The following TMEM68 variants were observed in gnomAD, a reference collection of about 807,000 sequenced individuals.
TMEM68 encodes the protein transmembrane protein 68.
A neutral mutation model predicts 36.9 loss-of-function variants in TMEM68; 25 were observed. The ratio of observed to expected loss-of-function variants is 0.68; its 90% CI spans 0.49 to 0.95. TMEM68 has a LOEUF of 0.95. TMEM68 is among the 40% of genes least tolerant of loss of function. The pLI is 0.00. For missense variants in TMEM68, 333 were observed against 392.0 expected, an observed-to-expected ratio of 0.85 and a Z score of 1.27; for synonymous variants, 131 against 124.4, an observed-to-expected ratio of 1.05 and a Z score of -0.35.
At chr8:55,751,187 C>T in intron 4 of TMEM68, 30 bp from the exon 5 acceptor site, 1 of 1,542,316 alleles carries the variant, frequency 6.5e-7, no homozygotes, top group East Asian at 2.3e-5. Context: ...GAAGTTACAA[C>T]ATAAGTATTT....
chr8:55,754,812 ATAT>A (rs1414431677), intron 4 of TMEM68, among the ~76,000 whole-genome samples: 3 of 130,814 alleles, frequency 2.3e-5, no homozygotes, highest in African/African-American at 5.7e-5. Context: ...ATATATATTT[ATAT>A]TATATATAAA....
chr8:55,765,430 T>C (rs1378851189), intron 1 of TMEM68, among the ~76,000 whole-genome samples: 2 of 152,190 alleles, frequency 1.3e-5, no homozygotes, highest in African/African-American at 4.8e-5. Flanking sequence ...CCCCTGTGCC[T>C]CCGTTTGCTA....
Position 55,754,706 on chromosome 8 carries a change from T to TTATATATATATTATATATAAAATACA in TMEM68, c.493+1512_493+1537dup, listed in dbSNP as rs1563432208. 6.0e-3 allele frequency among the ~76,000 whole-genome samples: 757 copies of TTATATATATATTATATATAAAATACA among 126,142 alleles called. 8 individuals carry two copies. The highest frequency in any genetic ancestry group is 9.8e-3 in the Non-Finnish European group (619 of 63,234). The allele number at this position is 126,142 out of a possible 152,430, so 82.8% of individuals were successfully genotyped here. A position where few individuals can be genotyped will look rare whatever the true frequency, so the allele number is the denominator to read the frequency against. Reference sequence around the variant, plus strand: ...TATATATTATATATGAAATACATACTTATATATATATTATATATAAAATAC... The same window carrying TTATATATATATTATATATAAAATACA: ...TATATATTATATATGAAATACATACTTATATATATATTATATATAAAATACATATATATATATTATATATAAAATAC... On this transcript the variant is annotated intron_variant, in intron 4 of 7. Coordinates refer to ENST00000434581, the MANE Select transcript of TMEM68 (RefSeq NM_001286657.2).
chr8:55,756,212 T>A, intron 4 of TMEM68, 32 bp downstream of exon 4: 1 of 1,570,466 alleles, frequency 6.4e-7, no homozygotes, highest in South Asian at 1.2e-5. Context: ...TAATAAAACA[T>A]TTTTACATTA....
intron 7 of TMEM68, 57 bp downstream of exon 7, chr8:55,743,424 A>G: frequency 3.4e-6 from 5 of 1,485,708 alleles, no homozygotes; most frequent in Non-Finnish European, 4.5e-6. Context: ...GAGATTCAAA[A>G]TATAATAATT....
chr8:55,750,865 C>G (rs567798439), intron 5 of TMEM68, 99 bp downstream of exon 5: 1 of 1,228,004 alleles, frequency 8.1e-7, no homozygotes, highest in East Asian at 2.5e-5. Context: ...GGTATTGCAG[C>G]GAAAGTGTCT....
chr8:55,768,820 TG>T (rs1347334234), intron 1 of TMEM68, among the ~76,000 whole-genome samples: 1 of 151,482 alleles, frequency 6.6e-6, no homozygotes, highest in Non-Finnish European at 1.5e-5. Context: ...CACTCCAGCC[TG>T]GACAACAGAG....
chr8:55,739,421 T>C lies in TMEM68; in HGVS notation c.*711A>G, dbSNP rs1297168829. 1 of 152,614 alleles carries C rather than the reference T, an allele frequency of 6.6e-6. No homozygotes were observed. The highest frequency in any genetic ancestry group is 1.9e-4 in the East Asian group (1 of 5,200). 9.5% of individuals were successfully genotyped at this position (152,614 alleles called of 1,614,324 possible). ...AAAAATAATAATTAGAAATTTTATT[T>C]TTCCTAATTTTTTATTCAATTTAAA... On this transcript the variant is annotated 3_prime_UTR_variant, in exon 8 of 8. Transcript: ENST00000434581.
At chr8:55,758,591 A>G (rs998266814) in intron 3 of TMEM68, among the ~76,000 whole-genome samples, 5 of 152,250 alleles carry the variant, frequency 3.3e-5, no homozygotes, top group African/African-American at 1.2e-4. Flanking sequence ...AGGACTTTTG[A>G]GCCCAAGAGT....
At chr8:55,769,782 A>C (rs1319482769) in intron 1 of TMEM68, among the ~76,000 whole-genome samples, 1 of 152,088 alleles carries the variant, frequency 6.6e-6, no homozygotes, top group Non-Finnish European at 1.5e-5. Context: ...ACAGGCAAGC[A>C]CCACTGCACC....
chr8:55,759,802 T>C (rs887041666), intron 3 of TMEM68, among the ~76,000 whole-genome samples: 1 of 152,202 alleles, frequency 6.6e-6, no homozygotes, highest in Non-Finnish European at 1.5e-5. Flanking sequence ...CAAACATGAT[T>C]TTGTACAATC....
chr8:55,770,661 AGCAAGACCCTGTCTCGG>A (rs1400096107), intron 1 of TMEM68, among the ~76,000 whole-genome samples: 4 of 152,118 alleles, frequency 2.6e-5, no homozygotes, highest in Admixed American at 2.6e-4. Context: ...TGGGCAACTG[AGCAAGACCCTGTCTCGG>A]GGGCAGGGGG....
At position 55,742,667 on chromosome 8, in the gene TMEM68, G is replaced by A. The variant is rs1217943361; in HGVS notation, c.888+814C>T. 5.3e-5 allele frequency among the ~76,000 whole-genome samples: 8 copies of A among 152,090 alleles called. No homozygotes were observed. In the East Asian group the frequency reaches 1.2e-3, roughly 22 times the overall value. On this transcript the variant is annotated intron_variant, in intron 7 of 7. Coordinates refer to ENST00000434581, the MANE Select transcript of TMEM68 (RefSeq NM_001286657.2). ...ATATCCTCCTACCTCAGCCTCCCAA[G>A]GTGCCGGGATTACAAGTGTGAGCCA...
intron 5 of TMEM68, among the ~76,000 whole-genome samples, chr8:55,750,685 A>G (rs1810404510): frequency 1.3e-5 from 2 of 152,002 alleles, no homozygotes; most frequent in African/African-American, 4.8e-5. Flanking sequence ...GATTACAGGC[A>G]TGCACCACCA....
intron 7 of TMEM68, among the ~76,000 whole-genome samples, chr8:55,740,650 A>C (rs1456637585): frequency 1.3e-5 from 2 of 152,212 alleles, no homozygotes; most frequent in Non-Finnish European, 2.9e-5. Flanking sequence ...AAATAGAAAA[A>C]TTTCGAGTAG....
At position 55,739,884 on chromosome 8, in the gene TMEM68, A is replaced by C. The variant is rs1810045933; in HGVS notation, c.*248T>G. The C allele has an allele frequency of 9.1e-6, 4 of 441,820 alleles. No homozygotes were observed. The highest frequency in any genetic ancestry group is 2.0e-5 in the African/African-American group (1 of 49,298). 27.4% of individuals were successfully genotyped at this position (441,820 alleles called of 1,614,324 possible). On this transcript the variant is annotated 3_prime_UTR_variant, in exon 8 of 8. Transcript: ENST00000434581. ...ACTTAAGAATCTATATGTTTAGCAT[A>C]AATTGTTAGGAATTTACAAATAAGA...
chr8:55,753,465 T>C (rs1810478799), intron 4 of TMEM68, among the ~76,000 whole-genome samples: 1 of 152,208 alleles, frequency 6.6e-6, no homozygotes, highest in Non-Finnish European at 1.5e-5. Flanking sequence ...AGTTTCCAAA[T>C]CTACTATAGT....
At chr8:55,769,906 T>C (rs1811099309) in intron 1 of TMEM68, among the ~76,000 whole-genome samples, 1 of 152,220 alleles carries the variant, frequency 6.6e-6, no homozygotes, top group East Asian at 1.9e-4. Context: ...GTGCTCGGAT[T>C]GCAGGCGTGA....
intron 7 of TMEM68, among the ~76,000 whole-genome samples, chr8:55,740,966 G>A (rs1810082521): frequency 6.6e-6 from 1 of 152,296 alleles, no homozygotes; most frequent in Middle Eastern, 3.4e-3. Flanking sequence ...GGGCGTGGTG[G>A]CTCACACCTG....
Sources: gnomAD v4.1 joint callset for allele counts (sites outside exome capture counted in the v4.1 genomes callset) on GRCh38, gnomAD v4.1.1 for gene constraint, MANE v1.5 for transcripts, NCBI Gene and HGNC (gene_info 2026-07-23, HGNC 2026-07-21) for gene names.